The following ALB variants were observed in gnomAD, a reference collection of about 807,000 sequenced individuals.
ALB encodes albumin.
Under a neutral mutation model 74.5 loss-of-function variants are expected in ALB, and 37 were observed. The ratio of observed to expected loss-of-function variants is 0.50; its 90% confidence interval spans 0.38 to 0.65. ALB has a LOEUF of 0.65. Among genes scored for constraint, ALB ranks in the 30% least tolerant of loss-of-function variants. The pLI, the probability that ALB is intolerant of heterozygous loss-of-function variation, is 0.00. For missense variants in ALB, 685 were observed against 718.7 expected, an observed-to-expected ratio of 0.95 and a Z score of 0.54; for synonymous variants, 249 against 251.6, an observed-to-expected ratio of 0.99 and a Z score of 0.10.
intron 12 of ALB, 73 bp downstream of exon 12, chr4:73,418,384 T>C: frequency 7.6e-7 from 1 of 1,316,650 alleles, no homozygotes; most frequent in South Asian, 1.2e-5. Flanking sequence ...CTAGCAACTT[T>C]TTCCTGAAGT....
At position 73,412,057 on chromosome 4, in the gene ALB, G is replaced by C. The variant is rs780099804; in HGVS notation, c.775G>C (p.Val259Leu). ...KAEFAEVSKLVTDLTKVHTEC... is the reference protein window; with the variant it reads ...KAEFAEVSKLLTDLTKVHTEC... ...TGAGTTTGCAGAAGTTTCCAAGTTAGTGACAGATCTTACCAAAGTCCACAC... is the reference window on the plus strand; with the variant it reads ...TGAGTTTGCAGAAGTTTCCAAGTTACTGACAGATCTTACCAAAGTCCACAC... Residue 259 changes from valine (V) to leucine (L), a missense_variant, in exon 7 of 15, where the codon GTG becomes CTG. By Grantham distance (32) the Val-to-Leu change is conservative (BLOSUM62 1). Coordinates refer to ENST00000295897, the MANE Select transcript of ALB (RefSeq NM_000477.7). 2 of 1,614,174 alleles carry C rather than the reference G, an allele frequency of 1.2e-6. No individual in the cohort carries two copies. The highest frequency in any genetic ancestry group is 2.2e-5 in the South Asian group (2 of 91,092).
chr4:73,420,210 T>C, intron 13 of ALB, 44 bp from the exon 14 acceptor site: 1 of 1,546,206 alleles, frequency 6.5e-7, no homozygotes, highest in Non-Finnish European at 8.9e-7. Context: ...ATCCTAATAG[T>C]AATGCTAATA....
At chr4:73,417,213 G>A (rs111920737) in intron 10 of ALB, among the ~76,000 whole-genome samples, 43 of 152,194 alleles carry the variant, frequency 2.8e-4, no homozygotes, top group African/African-American at 9.9e-4. Context: ...TTCAAGTTTA[G>A]CATATGCTGA....
At chr4:73,409,968 C>G (rs537483955) in intron 5 of ALB, among the ~76,000 whole-genome samples, 2 of 152,006 alleles carry the variant, frequency 1.3e-5, no homozygotes, top group Admixed American at 6.6e-5. Flanking sequence ...GGAGGAGAGA[C>G]TGAAATGAAT....
intron 3 of ALB, 124 bp downstream of exon 3, chr4:73,406,885 A>AAGTT: frequency 8.6e-7 from 1 of 1,166,654 alleles, no homozygotes; most frequent in Non-Finnish European, 1.2e-6. Context: ...AAACACTAAA[A>AAGTT]AGTTGCTCAT....
At chr4:73,404,878 T>C (rs1169932638) in intron 1 of ALB, 5 of 506,648 alleles carry the variant, frequency 9.9e-6, no homozygotes, top group Non-Finnish European at 3.5e-6. Context: ...AGTTTGAATA[T>C]AAGGCTATAA....
At position 73,413,634 on chromosome 4, in the gene ALB, T is replaced by C. The variant is rs79568748; in HGVS notation, c.1058T>C (p.Met353Thr). 1.8e-4 allele frequency: 289 copies of C among 1,613,882 alleles called. 1 individual carries two copies. In the African/African-American group the frequency reaches 3.6e-3, roughly 20 times the overall value. Residue 353 changes from methionine to threonine, a missense_variant and splice_region_variant, in exon 8 of 15, where the codon ATG (methionine) becomes ACG (threonine). Coordinates refer to ENST00000295897, the MANE Select transcript of ALB (RefSeq NM_000477.7). ...GAGGCAAAGGATGTCTTCCTGGGCATGTAAGTAGATAAGAAATTATTCTTT... is the reference window on the plus strand; with the variant it reads ...GAGGCAAAGGATGTCTTCCTGGGCACGTAAGTAGATAAGAAATTATTCTTT... ...YAEAKDVFLG[M>T]FLYEYARRHP... is the part of the protein sequence containing the mutation.
chr4:73,416,025 C>T (rs1250323133), intron 9 of ALB, among the ~76,000 whole-genome samples: 5 of 152,100 alleles, frequency 3.3e-5, no homozygotes, highest in African/African-American at 7.2e-5. Context: ...TGACTTGGCT[C>T]AAATACTGGT....
At chr4:73,404,697 T>G (rs1276978871) in intron 1 of ALB, among the ~76,000 whole-genome samples, 1 of 152,180 alleles carries the variant, frequency 6.6e-6, no homozygotes, top group Non-Finnish European at 1.5e-5. Flanking sequence ...GGTTGAAGAT[T>G]GAATTCATAA....
rs1055989612 is a variant in ALB, at chr4:73,408,932, A to G, written c.482+127A>G. On this transcript the variant is annotated intron_variant, in intron 4 of 14. Transcript: ENST00000295897. ...AAGACTTGGAAGTTTTGTTATGATG[A>G]TTTTTTAAAGAAGTAGTATTTGATA... 3 of 886,592 alleles carry G rather than the reference A, an allele frequency of 3.4e-6. No individual in the cohort carries two copies. In the African/African-American group the frequency reaches 5.1e-5, roughly 15 times the overall value. 54.9% of individuals were successfully genotyped at this position (886,592 alleles called of 1,614,324 possible).
chr4:73,410,294 A>G lies in ALB; in HGVS notation c.616-18A>G. On this transcript the variant is annotated intron_variant, in intron 5 of 14. Coordinates refer to ENST00000295897, the MANE Select transcript of ALB (RefSeq NM_000477.7). ...AGAATTTTTCTTCTAATTTTCATCAAATTATTCCTTTTTGTAGCTCGATGA... is the reference window on the plus strand; with the variant it reads ...AGAATTTTTCTTCTAATTTTCATCAGATTATTCCTTTTTGTAGCTCGATGA... The G allele has an allele frequency of 1.9e-6, 3 of 1,603,400 alleles. No homozygotes were observed. The South Asian group carries it at 3.3e-5, about 18-fold the overall frequency.
rs11538224 is a variant in ALB at position 73,412,083 on chromosome 4, G to A, written c.801G>A (p.Thr267=). ...KLVTDLTKVH[T]ECCHGDLLEC... is the part of the protein sequence containing the mutation. ...TGACAGATCTTACCAAAGTCCACACGGAATGCTGCCATGGAGATCTGCTTG... is the reference window on the plus strand; with the variant it reads ...TGACAGATCTTACCAAAGTCCACACAGAATGCTGCCATGGAGATCTGCTTG... The change falls in exon 7 of 15, where the codon ACG becomes ACA. Residue 267 remains threonine, a synonymous_variant. Coordinates refer to ENST00000295897, the MANE Select transcript of ALB (RefSeq NM_000477.7). The A allele has an allele frequency of 2.2e-5, 36 of 1,613,986 alleles. No individual in the cohort carries two copies. Among genetic ancestry groups the A allele is most frequent in the African/African-American group, 2.7e-5 (2 of 74,928 alleles).
At chr4:73,418,392 A>G in intron 12 of ALB, 81 bp downstream of exon 12, 9 of 1,222,206 alleles carry the variant, frequency 7.4e-6, no homozygotes, top group Non-Finnish European at 1.1e-5. Context: ...TTTTTCCTGA[A>G]GTAGTGATTA....
intron 2 of ALB, among the ~76,000 whole-genome samples, chr4:73,405,767 T>C (rs1378493312): frequency 3.9e-5 from 6 of 152,040 alleles, no homozygotes; most frequent in Non-Finnish European, 2.9e-5. Context: ...ATCTTTTGTA[T>C]TTTTAGTAGA....
At chr4:73,407,026 C>A (rs961458406) in intron 3 of ALB, among the ~76,000 whole-genome samples, 9 of 152,062 alleles carry the variant, frequency 5.9e-5, no homozygotes, top group Non-Finnish European at 1.3e-4. Context: ...CATTTATAAA[C>A]ACCTCTTTTT....
chr4:73,420,495 C>G (rs1264847019), intron 14 of ALB, among the ~76,000 whole-genome samples, 174 bp downstream of exon 14: 5 of 152,150 alleles, frequency 3.3e-5, no homozygotes, highest in African/African-American at 7.2e-5. Flanking sequence ...TTGGGAACCA[C>G]TATTATTTCT....
Position 73,405,161 on chromosome 4 carries a change from A to C in ALB, c.125A>C (p.Asn42Thr), listed in dbSNP as rs11538232. The change falls in exon 2 of 15, where the codon AAT becomes ACT. Residue 42 changes from asparagine to threonine, a missense_variant. By Grantham distance (65) the Asn-to-Thr change is moderately conservative (BLOSUM62 0). Transcript: ENST00000295897. ...CGGTTTAAAGATTTGGGAGAAGAAA[A>C]TTTCAAAGCCTTGTAAGTTAAAATA... is the stretch of plus-strand genomic sequence containing the variant. ...AHRFKDLGEENFKALVLIAFA... is the reference protein window; with the variant it reads ...AHRFKDLGEETFKALVLIAFA... The C allele has an allele frequency of 1.2e-6, 2 of 1,612,756 alleles. No homozygotes were observed. The highest frequency in any genetic ancestry group is 1.3e-5 in the African/African-American group (1 of 74,982).
intron 12 of ALB, among the ~76,000 whole-genome samples, chr4:73,418,676 AG>A (rs1719076418): frequency 6.6e-6 from 1 of 152,230 alleles, no homozygotes; most frequent in African/African-American, 2.4e-5. Flanking sequence ...AATTATTTTA[AG>A]TTTGCCCTAT....
chr4:73,406,089 A>G (rs548539024), intron 2 of ALB, among the ~76,000 whole-genome samples: 106 of 152,126 alleles, frequency 7.0e-4, no homozygotes, highest in African/African-American at 2.5e-3. Flanking sequence ...CTCTTTAAAA[A>G]AAACAAAACA....
Sources: gnomAD v4.1 joint callset for allele counts (sites outside exome capture counted in the v4.1 genomes callset) on GRCh38, gnomAD v4.1.1 for gene constraint, MANE v1.5 for transcripts, NCBI Gene and HGNC (gene_info 2026-07-23, HGNC 2026-07-21) for gene names.